CCDC91: variants seen among roughly 807,000 people sequenced by gnomAD.
CCDC91 encodes coiled-coil domain containing 91.
CCDC91 carries 48 observed loss-of-function variants against 63.2 expected under a neutral mutation model. That is an observed-to-expected ratio of 0.76 (90% CI 0.60 to 0.97). The LOEUF is 0.97. Among genes scored for constraint, CCDC91 ranks in the 50% least tolerant of loss-of-function variants. The pLI, the probability that CCDC91 is intolerant of heterozygous loss-of-function variation, is 0.00. For synonymous variants in CCDC91, 167 were observed against 165.8 expected, an observed-to-expected ratio of 1.01 and a Z score of -0.06; for missense variants, 500 against 494.6, an observed-to-expected ratio of 1.01 and a Z score of -0.10.
chr12:28,409,517 GTTTCATTGATTTTTAAGTTTCTA>G (rs1419882474), intron 8 of CCDC91, among the ~76,000 whole-genome samples: 1 of 151,812 alleles, frequency 6.6e-6, no homozygotes, highest in African/African-American at 2.4e-5. Context: ...CCAGCGTTTG[GTTTCATTGATTTTTAAGTTTCTA>G]TGTCACTGAT....
chr12:28,506,698 A>T (rs1160200382), intron 12 of CCDC91, among the ~76,000 whole-genome samples: 3 of 151,950 alleles, frequency 2.0e-5, no homozygotes, highest in Non-Finnish European at 4.4e-5. Context: ...CAGGTAAGAA[A>T]ACTAAAGCTT....
intron 1 of CCDC91, among the ~76,000 whole-genome samples, chr12:28,191,864 G>A (rs921005918): frequency 1.3e-5 from 2 of 152,186 alleles, no homozygotes; most frequent in African/African-American, 4.8e-5. Context: ...TAAACTGTGT[G>A]GTAGAGAATT....
intron 1 of CCDC91, among the ~76,000 whole-genome samples, chr12:28,239,234 G>A (rs77197716): frequency 0.025 from 3,778 of 152,106 alleles, 76 homozygotes; most frequent in South Asian, 0.041. Context: ...GAGAATAGAG[G>A]TATATAGTAG....
rs147724658 is a variant in CCDC91, at chr12:28,527,497, G to A, written c.1216-21566G>A. 3.2e-4 allele frequency among the ~76,000 whole-genome samples: 48 copies of A among 152,340 alleles called. 1 individual carries two copies. In the East Asian group the frequency reaches 6.2e-3, roughly 20 times the overall value. On this transcript the variant is annotated intron_variant, in intron 12 of 12. Transcript: ENST00000536442. Reference sequence around the variant, plus strand: ...GCCATGGATACGAGCACCTGCTCGGGTGGCAGTGGCAGGGGAGTGAAATGG... The same window carrying A: ...GCCATGGATACGAGCACCTGCTCGGATGGCAGTGGCAGGGGAGTGAAATGG...
chr12:28,373,857 A>G (rs1183714501), intron 7 of CCDC91, among the ~76,000 whole-genome samples: 1 of 152,106 alleles, frequency 6.6e-6, no homozygotes, highest in Non-Finnish European at 1.5e-5. Flanking sequence ...AGTTCTCACA[A>G]GATCTAATGC....
At chr12:28,526,005 C>T (rs962352128) in intron 12 of CCDC91, among the ~76,000 whole-genome samples, 11 of 151,964 alleles carry the variant, frequency 7.2e-5, no homozygotes, top group East Asian at 1.9e-4. Context: ...AGGTGTGTCT[C>T]GAAGGCAGCA....
chr12:28,269,528 T>A (rs1947597606), intron 3 of CCDC91, among the ~76,000 whole-genome samples: 1 of 152,068 alleles, frequency 6.6e-6, no homozygotes, highest in Non-Finnish European at 1.5e-5. Context: ...CTGCATCCAC[T>A]CTCAGTGTCT....
chr12:28,420,086 A>G (rs2139887459), intron 8 of CCDC91, among the ~76,000 whole-genome samples: 1 of 152,212 alleles, frequency 6.6e-6, no homozygotes, highest in South Asian at 2.1e-4. Flanking sequence ...CCACTGTAAG[A>G]TAGATAGTAG....
At chr12:28,285,836 T>C (rs1320632937) in intron 3 of CCDC91, among the ~76,000 whole-genome samples, 2 of 151,982 alleles carry the variant, frequency 1.3e-5, no homozygotes, top group Admixed American at 6.6e-5. Context: ...TAGGAGACTT[T>C]GCATATCTAT....
intron 12 of CCDC91, among the ~76,000 whole-genome samples, chr12:28,513,272 T>C (rs932353747): frequency 3.3e-5 from 5 of 151,868 alleles, no homozygotes; most frequent in African/African-American, 1.2e-4. Context: ...AAAGAGTAAG[T>C]GGTAGTGGGC....
intron 12 of CCDC91, among the ~76,000 whole-genome samples, chr12:28,547,354 A>G (rs752693041): frequency 1.3e-5 from 2 of 152,224 alleles, no homozygotes; most frequent in East Asian, 1.9e-4. Flanking sequence ...TTAGGTTAGC[A>G]TGCTTTGGTT....
chr12:28,379,452 CAA>C (rs199790729), intron 7 of CCDC91, among the ~76,000 whole-genome samples: 5 of 47,312 alleles, frequency 1.1e-4, no homozygotes, highest in African/African-American at 2.8e-4. Flanking sequence ...AACAAATTTA[CAA>C]AAAAAAAAAA....
At chr12:28,190,940 C>T (rs1727537711) in intron 1 of CCDC91, among the ~76,000 whole-genome samples, 3 of 152,226 alleles carry the variant, frequency 2.0e-5, no homozygotes. Context: ...CCCACGAACA[C>T]GTGATTATTG....
In CCDC91 at chr12:28,305,661, A is replaced by G. The variant is rs755111929; in HGVS notation, c.122A>G (p.His41Arg). The change falls in exon 4 of 13, where the codon CAT becomes CGT. Residue 41 changes from histidine (H) to arginine (R), a missense_variant. Physicochemically the swap from His to Arg is conservative, Grantham distance 29 (BLOSUM62 0). Transcript: ENST00000536442. ...TGTTTTTCTTTAGTATCTGGAGTCC[A>G]TCTTTCACCATCTTCTCCTGAGATT... ...WAAFPAVSGV[H>R]LSPSSPEIVL... The G allele has an allele frequency of 1.9e-5, 30 of 1,611,164 alleles. No individual in the cohort carries two copies. The highest frequency in any genetic ancestry group is 7.7e-5 in the South Asian group (7 of 90,728).
At chr12:28,512,867 T>C (rs886868085) in intron 12 of CCDC91, among the ~76,000 whole-genome samples, 8 of 152,032 alleles carry the variant, frequency 5.3e-5, no homozygotes, top group African/African-American at 1.9e-4. Flanking sequence ...ATAAATCTCA[T>C]TTATAGAGAA....
At chr12:28,334,525 C>T (rs992892530) in intron 6 of CCDC91, among the ~76,000 whole-genome samples, 2 of 152,168 alleles carry the variant, frequency 1.3e-5, no homozygotes, top group Admixed American at 6.6e-5. Flanking sequence ...GGTTAGAAAC[C>T]AGATAACTAG....
At chr12:28,195,648 A>C (rs1941704512) in intron 1 of CCDC91, among the ~76,000 whole-genome samples, 1 of 152,130 alleles carries the variant, frequency 6.6e-6, no homozygotes, top group Non-Finnish European at 1.5e-5. Context: ...GTTTGCCAAA[A>C]ATTTTTGAGT....
At chr12:28,225,284 A>G (rs1220591954) in intron 1 of CCDC91, among the ~76,000 whole-genome samples, 1 of 152,126 alleles carries the variant, frequency 6.6e-6, no homozygotes, top group Admixed American at 6.6e-5. Flanking sequence ...TGAGGTTGTC[A>G]TTTGGTTATT....
At chr12:28,297,182 G>T (rs1237980534) in intron 3 of CCDC91, among the ~76,000 whole-genome samples, 14 of 151,564 alleles carry the variant, frequency 9.2e-5, no homozygotes, top group African/African-American at 2.9e-4. Context: ...AGATTTTTTT[G>T]GGGGGTATAG....
Sources: allele counts gnomAD v4.1 joint callset (sites outside exome capture counted in the v4.1 genomes callset), GRCh38; gene constraint gnomAD v4.1.1; transcripts MANE v1.5; gene names NCBI Gene and HGNC (gene_info 2026-07-23, HGNC 2026-07-21).